Variants in SKAP1 observed in about 807,000 individuals in gnomAD.
The protein encoded by SKAP1 is src kinase associated phosphoprotein 1.
Under a neutral mutation model 58.5 loss-of-function variants are expected in SKAP1, and 44 were observed. The observed-to-expected ratio is 0.75, with a 90% CI of 0.59 to 0.97. The LOEUF (loss-of-function observed/expected upper bound fraction) is 0.97, where lower values mean the gene tolerates loss of function less well. Among genes scored for constraint, SKAP1 ranks in the 50% least tolerant of loss-of-function variants. SKAP1 has a pLI of 0.00. For synonymous variants in SKAP1, 127 were observed against 149.7 expected, an observed-to-expected ratio of 0.85 and a Z score of 1.11; for missense variants, 390 against 435.2, an observed-to-expected ratio of 0.90 and a Z score of 0.92.
chr17:48,137,790 T>C (rs139507495), intron 11 of SKAP1, among the ~76,000 whole-genome samples: 88 of 152,358 alleles, frequency 5.8e-4, no homozygotes, highest in African/African-American at 2.0e-3. Flanking sequence ...TGCTTGCTCC[T>C]TGGGAGCTTA....
chr17:48,142,322 C>T (rs1262516601), intron 11 of SKAP1, among the ~76,000 whole-genome samples: 2 of 151,984 alleles, frequency 1.3e-5, no homozygotes, highest in Non-Finnish European at 2.9e-5. Flanking sequence ...ATTAGCTGGG[C>T]GTGGTTGAGG....
At chr17:48,190,110 A>AT (rs61267385) in intron 4 of SKAP1, among the ~76,000 whole-genome samples, 52,358 of 141,978 alleles carry the variant, frequency 0.37, 9,721 homozygotes, top group East Asian at 0.62. Context: ...AAAATTAAGA[A>AT]TTTTTTTTTT....
chr17:48,395,511 A>G, intron 2 of SKAP1, among the ~76,000 whole-genome samples: 1 of 152,230 alleles, frequency 6.6e-6, no homozygotes, highest in Admixed American at 6.5e-5. Context: ...AATTAAAAAA[A>G]ACTATAGGTT....
intron 9 of SKAP1, among the ~76,000 whole-genome samples, chr17:48,173,601 C>T (rs1396816309): frequency 6.6e-6 from 1 of 152,208 alleles, no homozygotes; most frequent in Non-Finnish European, 1.5e-5. Context: ...GAGAGCAGCT[C>T]TTTTGTTGAT....
At chr17:48,332,787 A>G (rs2066522382) in intron 4 of SKAP1, among the ~76,000 whole-genome samples, 1 of 152,212 alleles carries the variant, frequency 6.6e-6, no homozygotes, top group African/African-American at 2.4e-5. Context: ...TCTTTATTGG[A>G]ATTTCAATAA....
At chr17:48,263,745 C>T (rs957477690) in intron 4 of SKAP1, among the ~76,000 whole-genome samples, 3 of 152,192 alleles carry the variant, frequency 2.0e-5, no homozygotes, top group African/African-American at 7.2e-5. Flanking sequence ...GAACTCCAGT[C>T]ATCGAGTCAA....
At chr17:48,403,602 C>G (rs2067530673) in intron 1 of SKAP1, among the ~76,000 whole-genome samples, 1 of 151,952 alleles carries the variant, frequency 6.6e-6, no homozygotes, top group South Asian at 2.1e-4. Context: ...TCAAAATGGC[C>G]TTGCTACAAA....
At chr17:48,173,610 A>G (rs1253029496) in intron 9 of SKAP1, among the ~76,000 whole-genome samples, 2 of 152,192 alleles carry the variant, frequency 1.3e-5, no homozygotes, top group Non-Finnish European at 2.9e-5. Flanking sequence ...TCTTTTGTTG[A>G]TATCAAACAA....
intron 2 of SKAP1, among the ~76,000 whole-genome samples, chr17:48,383,094 G>A (rs1394618489): frequency 6.6e-6 from 1 of 152,116 alleles, no homozygotes; most frequent in Admixed American, 6.5e-5. Flanking sequence ...TAAACAAATA[G>A]CCAATACATA....
intron 4 of SKAP1, among the ~76,000 whole-genome samples, chr17:48,334,212 T>G (rs919043987): frequency 3.3e-5 from 5 of 151,948 alleles, no homozygotes; most frequent in African/African-American, 1.2e-4. Context: ...GTTATCAACT[T>G]TAATATTCAA....
intron 2 of SKAP1, among the ~76,000 whole-genome samples, chr17:48,394,818 TG>T (rs1186853144): frequency 3.3e-5 from 5 of 152,136 alleles, no homozygotes; most frequent in Non-Finnish European, 5.9e-5. Context: ...ATTAACAGAA[TG>T]ATGATTGAAT....
chr17:48,205,808 C>T (rs1454429997), intron 4 of SKAP1, among the ~76,000 whole-genome samples: 1 of 152,130 alleles, frequency 6.6e-6, no homozygotes, highest in Non-Finnish European at 1.5e-5. Flanking sequence ...CACACCCAAA[C>T]TAACAGTTAA....
intron 1 of SKAP1, among the ~76,000 whole-genome samples, chr17:48,417,798 C>T (rs1242331508): frequency 6.7e-6 from 1 of 150,142 alleles, no homozygotes; most frequent in African/African-American, 2.4e-5. Flanking sequence ...CTAAGATACA[C>T]AGATAAAGAT....
At chr17:48,284,920 T>C (rs2065812006) in intron 4 of SKAP1, among the ~76,000 whole-genome samples, 1 of 152,334 alleles carries the variant, frequency 6.6e-6, no homozygotes, top group South Asian at 2.1e-4. Flanking sequence ...TTGGTAGTTT[T>C]CAGCACACTG....
At chr17:48,360,114 C>T (rs761388711) in intron 3 of SKAP1, among the ~76,000 whole-genome samples, 6 of 152,030 alleles carry the variant, frequency 3.9e-5, no homozygotes, top group Non-Finnish European at 7.4e-5. Context: ...TTACCACTAC[C>T]ACAAATGTAA....
intron 3 of SKAP1, among the ~76,000 whole-genome samples, chr17:48,347,062 G>A (rs2066732404): frequency 1.3e-5 from 2 of 152,140 alleles, no homozygotes; most frequent in Non-Finnish European, 2.9e-5. Flanking sequence ...AGAAGTGACT[G>A]ATGTTATTAT....
At chr17:48,317,344 G>T (rs887295587) in intron 4 of SKAP1, among the ~76,000 whole-genome samples, 2 of 152,104 alleles carry the variant, frequency 1.3e-5, no homozygotes, top group African/African-American at 2.4e-5. Context: ...TTTTTTAGGG[G>T]TCAATTCCCA....
intron 12 of SKAP1, among the ~76,000 whole-genome samples, chr17:48,134,682 A>G (rs558716566): frequency 6.6e-6 from 1 of 152,212 alleles, no homozygotes; most frequent in Admixed American, 6.5e-5. Flanking sequence ...TAAATGACAG[A>G]GTGAAAAGGG....
chr17:48,273,872 G>T (rs2065665267), intron 4 of SKAP1, among the ~76,000 whole-genome samples: 1 of 151,984 alleles, frequency 6.6e-6, no homozygotes, highest in African/African-American at 2.4e-5. Flanking sequence ...CTAAGGGTAG[G>T]CTTGAGGAAT....
Sources: allele counts gnomAD v4.1 joint callset (sites outside exome capture counted in the v4.1 genomes callset), GRCh38; gene constraint gnomAD v4.1.1; transcripts MANE v1.5; gene names NCBI Gene and HGNC (gene_info 2026-07-23, HGNC 2026-07-21).